The following SHLD1 variants were observed in gnomAD, a reference collection of about 807,000 sequenced individuals.
The protein encoded by SHLD1 is shieldin complex subunit 1, also known as RINN1-REV7-interacting novel NHEJ regulator 3.
Under a neutral mutation model 5.5 loss-of-function variants are expected in SHLD1, and 3 were observed. That is an observed-to-expected ratio of 0.54 (90% CI 0.25 to 1.40). The LOEUF (loss-of-function observed/expected upper bound fraction) is 1.40, where lower values mean the gene tolerates loss of function less well. Among genes scored for constraint, SHLD1 ranks in the 40% most tolerant of loss-of-function variants. SHLD1 has a pLI of 0.15. For synonymous variants in SHLD1, 92 were observed against 94.3 expected (o/e 0.98, Z 0.14); for missense variants, 210 against 244.4 (o/e 0.86, Z 0.94).
chr20:5,809,441 A>G (rs1270800176), intron 2 of SHLD1, among the ~76,000 whole-genome samples: 1 of 152,028 alleles, frequency 6.6e-6, no homozygotes, highest in Non-Finnish European at 1.5e-5. Context: ...TGAAAGGAAA[A>G]GCCGGCTGCC....
At chr20:5,818,201 A>C (rs1339167604) in intron 2 of SHLD1, among the ~76,000 whole-genome samples, 1 of 151,478 alleles carries the variant, frequency 6.6e-6, no homozygotes, top group African/African-American at 2.4e-5. Context: ...TCAGCCTCCC[A>C]AGTAGCTGGG....
At chr20:5,854,006 ATTTTTTT>A (rs758512977) in intron 2 of SHLD1, among the ~76,000 whole-genome samples, 1 of 137,778 alleles carries the variant, frequency 7.3e-6, no homozygotes, top group African/African-American at 2.7e-5. Context: ...TGCTCAGCTA[ATTTTTTT>A]TTTTTTTTTT....
chr20:5,854,383 C>T (rs1030101130), intron 2 of SHLD1, among the ~76,000 whole-genome samples: 2 of 152,086 alleles, frequency 1.3e-5, no homozygotes, highest in Admixed American at 6.6e-5. Flanking sequence ...CCTGAACTCA[C>T]GTGATTTGTC....
chr20:5,845,530 A>C (rs2087922625), intron 2 of SHLD1, among the ~76,000 whole-genome samples: 1 of 152,260 alleles, frequency 6.6e-6, no homozygotes. Context: ...TCTACCTTAC[A>C]AGGTAACATA....
In SHLD1 at chr20:5,806,799, G is replaced by A. The variant is rs373632068; in HGVS notation, c.178+33756G>A. On this transcript the variant is annotated intron_variant, in intron 2 of 2. Coordinates refer to ENST00000303142, the MANE Select transcript of SHLD1 (RefSeq NM_152504.4). This position sits in a 1 kb window ranked among gnomAD's most constrained non-coding sequence, Gnocchi z 7.6. Reference sequence around the variant, plus strand: ...TTACATCCTGTGTTGTTGTTTCTCCGCACCCAAGGGATGTGAACAGAGTGG... The same window carrying A: ...TTACATCCTGTGTTGTTGTTTCTCCACACCCAAGGGATGTGAACAGAGTGG... 2.0e-5 allele frequency among the ~76,000 whole-genome samples: 3 copies of A among 152,168 alleles called. No homozygotes were observed. The highest frequency in any genetic ancestry group is 6.5e-5 in the Admixed American group (1 of 15,272).
intron 2 of SHLD1, among the ~76,000 whole-genome samples, chr20:5,821,522 AAAACAAAAC>A (rs566013636): frequency 7.4e-4 from 113 of 152,332 alleles, no homozygotes; most frequent in Non-Finnish European, 1.3e-3. Flanking sequence ...AAAACAAAAC[AAAACAAAAC>A]AAAAAAACTT....
chr20:5,839,486 A>AAGAAAGAT (rs5840108), intron 2 of SHLD1, among the ~76,000 whole-genome samples: 3 of 149,892 alleles, frequency 2.0e-5, no homozygotes, highest in African/African-American at 7.4e-5. Flanking sequence ...ATTAGATAGA[A>AAGAAAGAT]AGATAGATAG....
Position 5,863,531 on chromosome 20 carries a change from C to G in SHLD1, c.*68C>G. 6.9e-7 allele frequency: 1 copy of G among 1,459,724 alleles called. No individual in the cohort carries two copies. 90.4% of individuals were successfully genotyped at this position (1,459,724 alleles called of 1,614,324 possible). On this transcript the variant is annotated 3_prime_UTR_variant, in exon 3 of 3. Coordinates refer to ENST00000303142, the MANE Select transcript of SHLD1 (RefSeq NM_152504.4). ...CCATGACCAGCAGTGTTGGTGGCCA[C>G]CCAGATCCCCTAGGGTCTCTGGCCA... is the stretch of plus-strand genomic sequence containing the variant.
chr20:5,815,871 G>A (rs915775814), intron 2 of SHLD1, among the ~76,000 whole-genome samples: 8 of 152,158 alleles, frequency 5.3e-5, no homozygotes, highest in African/African-American at 1.4e-4. Flanking sequence ...GCTTGAGGCC[G>A]GGAGTTTGAG....
In SHLD1 at chr20:5,854,872, C is replaced by CTTTTTTTTTTTTTTTT. The variant is rs55776293; in HGVS notation, c.179-8140_179-8139insTTTTTTTTTTTTTTTT. ...CATTCTGTTTTCTGTCTCTATGACT[C>CTTTTTTTTTTTTTTTT]TTTTTTTTTTTTAAGAGACAGGTCT... On this transcript the variant is annotated intron_variant, in intron 2 of 2. Coordinates refer to ENST00000303142, the MANE Select transcript of SHLD1 (RefSeq NM_152504.4). Among the ~76,000 whole-genome samples the CTTTTTTTTTTTTTTTT allele has an allele frequency of 1.2e-4, 15 of 130,046 alleles. 2 individuals are homozygous for CTTTTTTTTTTTTTTTT. Among genetic ancestry groups the CTTTTTTTTTTTTTTTT allele is most frequent in the African/African-American group, 2.0e-4 (6 of 30,708 alleles). The allele number at this position is 130,046 out of a possible 152,430, so 85.3% of individuals were successfully genotyped here.
chr20:5,789,731 G>A (rs77786242), intron 2 of SHLD1, among the ~76,000 whole-genome samples: 2,551 of 152,218 alleles, frequency 0.017, 28 homozygotes, highest in Non-Finnish European at 0.026. Context: ...AGGAGAACTT[G>A]GAGATTTAGT....
intron 2 of SHLD1, among the ~76,000 whole-genome samples, chr20:5,775,477 T>C (rs1985379715): frequency 6.6e-6 from 1 of 152,196 alleles, no homozygotes; most frequent in South Asian, 2.1e-4. Flanking sequence ...AAAGCAACTG[T>C]TATTAATTGG....
At chr20:5,824,358 A>C (rs949919195) in intron 2 of SHLD1, among the ~76,000 whole-genome samples, 2 of 151,902 alleles carry the variant, frequency 1.3e-5, no homozygotes, top group African/African-American at 4.8e-5. Flanking sequence ...CTCGCTCTCT[A>C]TCCCCTTCCT....
intron 1 of SHLD1, among the ~76,000 whole-genome samples, chr20:5,768,170 C>T (rs939506406): frequency 2.6e-5 from 4 of 152,092 alleles, no homozygotes; most frequent in African/African-American, 9.7e-5. Context: ...GAAGAGGTTT[C>T]ACCATGTTGG....
At chr20:5,755,957 CT>C (rs1984068602) in intron 1 of SHLD1, among the ~76,000 whole-genome samples, 1 of 152,124 alleles carries the variant, frequency 6.6e-6, no homozygotes, top group South Asian at 2.1e-4. Flanking sequence ...GGGTAAAATC[CT>C]TTGATTTCCT....
intron 2 of SHLD1, among the ~76,000 whole-genome samples, chr20:5,805,711 A>T (rs2087364863): frequency 6.6e-6 from 1 of 151,788 alleles, no homozygotes; most frequent in Non-Finnish European, 1.5e-5. Context: ...AATGATTCTC[A>T]TGCCTCAGTC....
intron 1 of SHLD1, among the ~76,000 whole-genome samples, chr20:5,756,017 C>T (rs1251550931): frequency 2.6e-5 from 4 of 152,200 alleles, no homozygotes; most frequent in Non-Finnish European, 4.4e-5. Context: ...GTTGGAGTTG[C>T]GTATCTTATT....
chr20:5,776,717 C>T (rs991292065), intron 2 of SHLD1, among the ~76,000 whole-genome samples: 3 of 151,886 alleles, frequency 2.0e-5, no homozygotes, highest in Non-Finnish European at 1.5e-5. Context: ...GAGCCAAGAC[C>T]GCACCATTGC....
At chr20:5,821,423 G>A (rs2087604865) in intron 2 of SHLD1, among the ~76,000 whole-genome samples, 2 of 152,182 alleles carry the variant, frequency 1.3e-5, no homozygotes, top group African/African-American at 4.8e-5. Context: ...TGAGGCACGA[G>A]AATCGCTTGA....
Sources: allele counts gnomAD v4.1 joint callset (sites outside exome capture counted in the v4.1 genomes callset), GRCh38; gene constraint gnomAD v4.1.1; non-coding constraint Gnocchi (gnomAD v3.1); transcripts MANE v1.5; gene names NCBI Gene and HGNC (gene_info 2026-07-23, HGNC 2026-07-21).